The following MTRF1 variants were observed in gnomAD, a reference collection of about 807,000 sequenced individuals.
The protein encoded by MTRF1 is mitochondrial translation release factor 1.
Under a neutral mutation model 62.9 loss-of-function variants are expected in MTRF1, and 51 were observed. The ratio of observed to expected loss-of-function variants is 0.81; its 90% CI spans 0.65 to 1.02. The LOEUF (loss-of-function observed/expected upper bound fraction) is 1.02, where lower values mean the gene tolerates loss of function less well. Among genes scored for constraint, MTRF1 ranks in the 50% least tolerant of loss-of-function variants. The pLI, the probability that MTRF1 is intolerant of heterozygous loss-of-function variation, is 0.00. For synonymous variants in MTRF1, 158 were observed against 181.9 expected (o/e 0.87, Z 1.06); for missense variants, 446 against 530.0 (o/e 0.84, Z 1.56).
At chr13:41,242,962 T>C (rs1324095824) in intron 5 of MTRF1, among the ~76,000 whole-genome samples, 2 of 152,086 alleles carry the variant, frequency 1.3e-5, no homozygotes, top group Non-Finnish European at 2.9e-5. Context: ...GGCTCACACC[T>C]GTAGTCCCAG....
chr13:41,225,322 G>A (rs28493135), intron 8 of MTRF1, among the ~76,000 whole-genome samples: 10,806 of 152,032 alleles, frequency 0.071, 419 homozygotes, highest in African/African-American at 0.087. Flanking sequence ...AGTGTCTGTG[G>A]TTATCACTTA....
At chr13:41,301,523 G>C in the MTRF1 span, among the ~76,000 whole-genome samples, 1 of 152,240 alleles carries the variant, frequency 6.6e-6, no homozygotes, top group African/African-American at 2.4e-5. Context: ...TGAGGTGGAC[G>C]GATCACCTGA....
intron 2 of MTRF1, among the ~76,000 whole-genome samples, chr13:41,259,204 T>C (rs946404868): frequency 6.6e-6 from 1 of 152,186 alleles, no homozygotes; most frequent in Non-Finnish European, 1.5e-5. Flanking sequence ...GAAAACAGTC[T>C]AGCACTTCCT....
At chr13:41,218,850 A>T (rs1593516427) in intron 9 of MTRF1, among the ~76,000 whole-genome samples, 1 of 152,170 alleles carries the variant, frequency 6.6e-6, no homozygotes, top group African/African-American at 2.4e-5. Flanking sequence ...GGTAAAGGAT[A>T]TATCTTACTA....
intron 7 of MTRF1, among the ~76,000 whole-genome samples, chr13:41,233,625 C>G (rs925245659): frequency 3.9e-5 from 6 of 152,168 alleles, no homozygotes; most frequent in African/African-American, 1.2e-4. Context: ...TGTATTTAGG[C>G]TGGGGCACCT....
chr13:41,235,597 A>T (rs2036356212), intron 6 of MTRF1: 1 of 152,358 alleles, frequency 6.6e-6, no homozygotes, highest in Non-Finnish European at 1.5e-5. Context: ...ACAGTAAAGG[A>T]GAAGACCATG....
At chr13:41,243,108 A>C (rs533637903) in intron 5 of MTRF1, among the ~76,000 whole-genome samples, 21 of 152,298 alleles carry the variant, frequency 1.4e-4, no homozygotes, top group African/African-American at 4.6e-4. Context: ...CATCCCAGCT[A>C]CTTAGGATGC....
chr13:41,249,619 C>CTT (rs1166204914), intron 5 of MTRF1, among the ~76,000 whole-genome samples: 7,667 of 61,764 alleles, frequency 0.12, 580 homozygotes, highest in Non-Finnish European at 0.13. Context: ...ATTTTTTTTT[C>CTT]TTTTTTTTTT....
At chr13:41,238,346 G>T (rs2037001361) in intron 6 of MTRF1, among the ~76,000 whole-genome samples, 1 of 152,102 alleles carries the variant, frequency 6.6e-6, no homozygotes, top group Admixed American at 6.6e-5. Flanking sequence ...ACTATTTGAA[G>T]GTAAAGAAGA....
the MTRF1 span, among the ~76,000 whole-genome samples, chr13:41,308,025 C>A: frequency 6.8e-4 from 103 of 152,160 alleles, 1 homozygote; most frequent in Admixed American, 1.1e-3. Context: ...TGGCACGGAA[C>A]TGTGTGTCCT....
chr13:41,243,787 TA>T (rs971165827), intron 5 of MTRF1, among the ~76,000 whole-genome samples: 1 of 152,200 alleles, frequency 6.6e-6, no homozygotes, highest in African/African-American at 2.4e-5. Flanking sequence ...GCATTAGAAT[TA>T]AAATATCCCA....
chr13:41,310,846 CA>C, the MTRF1 span, among the ~76,000 whole-genome samples: 1 of 152,080 alleles, frequency 6.6e-6, no homozygotes, highest in Non-Finnish European at 1.5e-5. Flanking sequence ...GGGAGAAATG[CA>C]AAAAACTCTG....
chr13:41,311,289 G>A, the MTRF1 span: 6 of 543,824 alleles, frequency 1.1e-5, no homozygotes, highest in Admixed American at 1.5e-4. Context: ...AACCGCCGCC[G>A]CCGCCGCTGG....
At chr13:41,303,943 TA>T in the MTRF1 span, among the ~76,000 whole-genome samples, 5 of 152,220 alleles carry the variant, frequency 3.3e-5, no homozygotes, top group Non-Finnish European at 7.3e-5. Context: ...GCATTGTACC[TA>T]GGGGTAGGCG....
the MTRF1 span, among the ~76,000 whole-genome samples, chr13:41,288,754 T>C: frequency 1.3e-5 from 2 of 152,220 alleles, no homozygotes; most frequent in African/African-American, 2.4e-5. Flanking sequence ...TTTTAGACTA[T>C]GGAAATGATG....
At chr13:41,273,280 C>G in the MTRF1 span, among the ~76,000 whole-genome samples, 9 of 150,600 alleles carry the variant, frequency 6.0e-5, no homozygotes, top group East Asian at 1.2e-3. Flanking sequence ...GAGCCGAGAT[C>G]GCGCCACTGC....
chr13:41,292,310 C>T, the MTRF1 span, among the ~76,000 whole-genome samples: 1 of 152,094 alleles, frequency 6.6e-6, no homozygotes, highest in African/African-American at 2.4e-5. Context: ...CTTGGCTGGG[C>T]ATGGTGGCTC....
At chr13:41,308,995 C>T in the MTRF1 span, among the ~76,000 whole-genome samples, 4 of 152,258 alleles carry the variant, frequency 2.6e-5, no homozygotes, top group South Asian at 8.3e-4. Context: ...TCTGTTCCTG[C>T]ATTAATTCAT....
At chr13:41,289,543 G>A in the MTRF1 span, among the ~76,000 whole-genome samples, 2 of 152,114 alleles carry the variant, frequency 1.3e-5, no homozygotes, top group Non-Finnish European at 2.9e-5. Context: ...GCCGAAAAGT[G>A]GATTTTATAT....
Sources: allele counts gnomAD v4.1 joint callset (sites outside exome capture counted in the v4.1 genomes callset), GRCh38; gene constraint gnomAD v4.1.1; transcripts MANE v1.5; gene names NCBI Gene and HGNC (gene_info 2026-07-23, HGNC 2026-07-21).